Variants in FBXL20 observed in about 807,000 individuals in gnomAD.
FBXL20 encodes F-box and leucine rich repeat protein 20, also known as F-box/LRR-repeat protein 20.
In FBXL20, 11 loss-of-function variants were observed where a neutral mutation model predicts 64.0. The observed-to-expected ratio is 0.17, with a 90% CI of 0.11 to 0.28. The LOEUF (loss-of-function observed/expected upper bound fraction) is 0.28. Ranked by LOEUF, FBXL20 falls within the 10% of genes least tolerant of loss-of-function variation. The probability of loss-of-function intolerance (pLI) is 1.00; values close to 1 mark genes in which losing one functional copy is unlikely to be tolerated. For missense variants in FBXL20, 303 were observed against 526.2 expected (o/e 0.58, Z 4.15); for synonymous variants, 184 against 189.0 (o/e 0.97, Z 0.22).
At chr17:39,328,974 A>AGAGCAG (rs1204662669) in intron 2 of FBXL20, among the ~76,000 whole-genome samples, 1 of 152,168 alleles carries the variant, frequency 6.6e-6, no homozygotes, top group African/African-American at 2.4e-5. Context: ...GGATTGCTTG[A>AGAGCAG]GAGCAGGAGT....
chr17:39,269,129 G>A (rs972645291), intron 11 of FBXL20, among the ~76,000 whole-genome samples: 3 of 152,082 alleles, frequency 2.0e-5, no homozygotes, highest in Admixed American at 6.6e-5. Flanking sequence ...TCCCACCTCA[G>A]CCTCCCAATT....
intron 1 of FBXL20, among the ~76,000 whole-genome samples, chr17:39,353,599 C>CTAT (rs1555611852): frequency 7.1e-6 from 1 of 140,236 alleles, no homozygotes; most frequent in Non-Finnish European, 1.5e-5. Context: ...ACCACTACAC[C>CTAT]TTATTTATTT....
Position 39,276,865 on chromosome 17 carries a change from T to C in FBXL20, c.697-1765A>G, listed in dbSNP as rs947078368. On this transcript the variant is annotated intron_variant, in intron 9 of 14. Coordinates refer to ENST00000264658, the MANE Select transcript of FBXL20 (RefSeq NM_032875.3). ...TACTCAGGAGGCTGAAGTGGAATGA[T>C]CGCTTTAGCCCAGGAGTTCAAGGTT... Among the ~76,000 whole-genome samples, 6 of 152,154 alleles carry C rather than the reference T, an allele frequency of 3.9e-5. No homozygotes were observed. The East Asian group carries it at 1.2e-3, about 29-fold the overall frequency.
intron 2 of FBXL20, among the ~76,000 whole-genome samples, chr17:39,335,455 G>A (rs1000896709): frequency 1.3e-4 from 19 of 151,820 alleles, no homozygotes; most frequent in African/African-American, 4.1e-4. Context: ...ATGGTGGCAC[G>A]TGCTGTAGTC....
At chr17:39,273,726 A>T (rs963648659) in intron 10 of FBXL20, among the ~76,000 whole-genome samples, 11 of 150,468 alleles carry the variant, frequency 7.3e-5, no homozygotes, top group African/African-American at 2.7e-4. Context: ...AGGCTGAGGC[A>T]GGTTAATCGC....
intron 1 of FBXL20, among the ~76,000 whole-genome samples, chr17:39,377,605 A>C (rs1259338112): frequency 1.3e-5 from 2 of 150,420 alleles, no homozygotes; most frequent in Non-Finnish European, 3.0e-5. Context: ...GGTTCATGCC[A>C]TTCTCCTGCC....
At chr17:39,373,086 T>A (rs545812430) in intron 1 of FBXL20, among the ~76,000 whole-genome samples, 59 of 152,028 alleles carry the variant, frequency 3.9e-4, no homozygotes, top group Non-Finnish European at 7.2e-4. Flanking sequence ...ATCGTCTATA[T>A]AGAAACCTAC....
At chr17:39,321,793 A>C (rs954889270) in intron 2 of FBXL20, among the ~76,000 whole-genome samples, 4 of 151,840 alleles carry the variant, frequency 2.6e-5, no homozygotes, top group African/African-American at 4.8e-5. Flanking sequence ...AAAAAAAAAA[A>C]AAAACAAAAA....
intron 3 of FBXL20, among the ~76,000 whole-genome samples, chr17:39,302,104 C>T (rs1413858800): frequency 2.0e-5 from 3 of 151,856 alleles, no homozygotes; most frequent in Non-Finnish European, 4.4e-5. Context: ...AAAAAAAATC[C>T]TTCTATCTGG....
chr17:39,258,323 A>T lies in FBXL20; in HGVS notation c.*3137T>A, dbSNP rs761177415. 1.3e-5 allele frequency: 2 copies of T among 152,246 alleles called. No individual in the cohort carries two copies. Among genetic ancestry groups the T allele is most frequent in the Non-Finnish European group, 2.9e-5 (2 of 68,048 alleles). The allele number at this position is 152,246 out of a possible 1,614,324, so 9.4% of individuals were successfully genotyped here. A position where few individuals can be genotyped will look rare whatever the true frequency, so the allele number is the denominator to read the frequency against. On this transcript the variant is annotated 3_prime_UTR_variant, in exon 15 of 15. Transcript: ENST00000264658. ...AACTTACCATGCTTTGTGTTCTCTC[A>T]AAGTCCTAGCATATTCATCAGCTGG...
chr17:39,261,305 T>C lies in FBXL20; in HGVS notation c.*155A>G. 4.5e-6 allele frequency: 3 copies of C among 663,868 alleles called. No individual in the cohort carries two copies. Among genetic ancestry groups the C allele is most frequent in the Admixed American group, 2.1e-5 (1 of 46,564 alleles). The allele number at this position is 663,868 out of a possible 1,614,324, so 41.1% of individuals were successfully genotyped here. On this transcript the variant is annotated 3_prime_UTR_variant, in exon 15 of 15. Transcript: ENST00000264658. ...GTGGATGGGGGTAAGGGTGTGTATG[T>C]GTATGTATGTGTGGCTCTGGGGATC...
intron 1 of FBXL20, among the ~76,000 whole-genome samples, chr17:39,367,049 A>G (rs2047867301): frequency 6.6e-6 from 1 of 151,284 alleles, no homozygotes; most frequent in African/African-American, 2.4e-5. Flanking sequence ...CGCCCAGCTA[A>G]TTTTTTGTAT....
At chr17:39,291,431 CTTTT>C (rs907454529) in intron 6 of FBXL20, among the ~76,000 whole-genome samples, 3 of 110,486 alleles carry the variant, frequency 2.7e-5, no homozygotes, top group Non-Finnish European at 3.6e-5. Flanking sequence ...TAAAACTTTT[CTTTT>C]TTTTTTTTTT....
At chr17:39,338,407 C>T (rs367751095) in intron 2 of FBXL20, among the ~76,000 whole-genome samples, 4 of 151,924 alleles carry the variant, frequency 2.6e-5, no homozygotes, top group East Asian at 3.9e-4. Context: ...TGCGGAAGGC[C>T]GCAGGGTCCT....
chr17:39,317,173 T>C (rs898829812), intron 2 of FBXL20, among the ~76,000 whole-genome samples: 1 of 152,320 alleles, frequency 6.6e-6, no homozygotes, highest in African/African-American at 2.4e-5. Flanking sequence ...CTGAAGTTGA[T>C]ATGGATGAAA....
chr17:39,263,611 A>T (rs982347724), intron 14 of FBXL20, among the ~76,000 whole-genome samples: 3 of 152,062 alleles, frequency 2.0e-5, no homozygotes, highest in African/African-American at 7.2e-5. Flanking sequence ...GGAGGATCTT[A>T]AGCCTAGGAG....
chr17:39,361,466 C>T (rs1441966433), intron 1 of FBXL20, among the ~76,000 whole-genome samples: 1 of 152,204 alleles, frequency 6.6e-6, no homozygotes, highest in Non-Finnish European at 1.5e-5. Flanking sequence ...ACTTCCTCAT[C>T]TTCTGTCTCT....
At chr17:39,350,434 A>G (rs2047676839) in intron 1 of FBXL20, among the ~76,000 whole-genome samples, 1 of 151,674 alleles carries the variant, frequency 6.6e-6, no homozygotes, top group South Asian at 2.1e-4. Context: ...GGTTGCAGTG[A>G]GCTGAGATTG....
chr17:39,361,720 C>CAGG, intron 1 of FBXL20, among the ~76,000 whole-genome samples: 1 of 152,184 alleles, frequency 6.6e-6, no homozygotes, highest in African/African-American at 2.4e-5. Flanking sequence ...CTGCTTGAAC[C>CAGG]TGGGAGGCGG....
Sources: allele counts gnomAD v4.1 joint callset (sites outside exome capture counted in the v4.1 genomes callset), GRCh38; gene constraint gnomAD v4.1.1; transcripts MANE v1.5; gene names NCBI Gene and HGNC (gene_info 2026-07-23, HGNC 2026-07-21).